Variants in TWF1 observed in about 807,000 individuals in gnomAD.
The protein encoded by TWF1 is twinfilin actin binding protein 1.
TWF1 carries 14 observed loss-of-function variants against 47.9 expected under a neutral mutation model. The ratio of observed to expected loss-of-function variants is 0.29; its 90% confidence interval spans 0.19 to 0.46. The LOEUF (loss-of-function observed/expected upper bound fraction) is 0.46, where lower values mean the gene tolerates loss of function less well. Ranked by LOEUF, TWF1 falls within the 20% of genes least tolerant of loss-of-function variation. The pLI is 1.00. For missense variants in TWF1, 281 were observed against 409.3 expected (o/e 0.69, Z 2.70); for synonymous variants, 96 against 139.2 (o/e 0.69, Z 2.18).
intron 1 of TWF1, chr12:43,805,934 A>G (rs769743251): frequency 6.6e-7 from 1 of 1,524,936 alleles, no homozygotes; most frequent in Non-Finnish European, 8.8e-7. Context: ...GGACGGTGGA[A>G]GGCACGCCCC....
intron 8 of TWF1, 148 bp downstream of exon 8, chr12:43,796,828 C>G (rs1304801083): frequency 2.6e-6 from 2 of 783,390 alleles, no homozygotes; most frequent in Non-Finnish European, 4.0e-6. Flanking sequence ...ACAGGTAGTT[C>G]CCAGGCACTT....
chr12:43,800,618 A>C, intron 3 of TWF1, 88 bp from the exon 4 acceptor site: 1 of 1,036,546 alleles, frequency 9.6e-7, no homozygotes, highest in Non-Finnish European at 1.4e-6. Flanking sequence ...AATATCCTGA[A>C]TCACATTAAA....
chr12:43,804,457 A>G (rs1942719854), intron 2 of TWF1, 38 bp downstream of exon 2: 1 of 1,322,700 alleles, frequency 7.6e-7, no homozygotes, highest in Non-Finnish European at 1.1e-6. Context: ...ACAGCCACTA[A>G]TCCAGGAACA....
chr12:43,800,229 T>C (rs537248736), intron 4 of TWF1, among the ~76,000 whole-genome samples: 60 of 152,330 alleles, frequency 3.9e-4, no homozygotes, highest in African/African-American at 1.3e-3. Context: ...TCAATATCAC[T>C]TGTCAATGTC....
intron 4 of TWF1, 143 bp from the exon 5 acceptor site, chr12:43,799,645 T>G: frequency 1.9e-6 from 1 of 514,594 alleles, no homozygotes; most frequent in South Asian, 3.9e-5. Flanking sequence ...CTTTTTACTT[T>G]TCTTTAATCC....
intron 2 of TWF1, 30 bp from the exon 3 acceptor site, chr12:43,802,494 T>C (rs528053407): frequency 1.9e-6 from 3 of 1,545,900 alleles, no homozygotes; most frequent in African/African-American, 2.7e-5. Context: ...GAAAGATAGG[T>C]AAATGGTTTG....
At chr12:43,799,664 A>G (rs1942623208) in intron 4 of TWF1, among the ~76,000 whole-genome samples, 162 bp from the exon 5 acceptor site, 1 of 152,070 alleles carries the variant, frequency 6.6e-6, no homozygotes, top group African/African-American at 2.4e-5. Context: ...CCTCAATTTT[A>G]AGTTTCAAAA....
Position 43,795,734 on chromosome 12 carries a change from C to A in TWF1, c.904G>T (p.Glu302Ter). ...IRKIEIDNGD[E>*]LTADFLYEEV... ...TCATAAAGGAAGTCTGCAGTCAACT[C>A]ATCCCCATTGTCTATCTCGATCTGT... is the stretch of plus-strand genomic sequence containing the variant. Residue 302 changes from glutamate to a stop codon, truncating the protein, a stop_gained, in exon 9 of 9, where the codon GAG becomes TAG. Transcript: ENST00000395510. LOFTEE classifies it high-confidence loss of function. 1 of 1,613,844 alleles carries A rather than the reference C, an allele frequency of 6.2e-7. No homozygotes were observed. The highest frequency in any genetic ancestry group is 8.5e-7 in the Non-Finnish European group (1 of 1,179,822).
chr12:43,805,189 C>T (rs1942735018), intron 1 of TWF1, among the ~76,000 whole-genome samples: 1 of 152,070 alleles, frequency 6.6e-6, no homozygotes, highest in African/African-American at 2.4e-5. Context: ...AATTTCGTTC[C>T]TGTGTTGTCT....
chr12:43,796,042 A>G (rs777655735), intron 8 of TWF1, among the ~76,000 whole-genome samples: 4 of 152,196 alleles, frequency 2.6e-5, no homozygotes, highest in Non-Finnish European at 2.9e-5. Context: ...ATGATACACT[A>G]TTTATTCAAG....
chr12:43,805,654 AAC>A (rs1233014134), intron 1 of TWF1: 31 of 632,810 alleles, frequency 4.9e-5, no homozygotes, highest in Non-Finnish European at 8.0e-5. Context: ...AAAAGATCAA[AAC>A]ACACGCTTAC....
chr12:43,796,130 G>A (rs531998552), intron 8 of TWF1, among the ~76,000 whole-genome samples: 2 of 152,262 alleles, frequency 1.3e-5, no homozygotes, highest in African/African-American at 2.4e-5. Flanking sequence ...ACCATGGCCC[G>A]AAGGCCAAAT....
intron 6 of TWF1, 96 bp downstream of exon 6, chr12:43,797,612 G>A: frequency 6.8e-7 from 1 of 1,468,022 alleles, no homozygotes; most frequent in Non-Finnish European, 9.1e-7. Context: ...AAATCAGAAA[G>A]CTATTTAAAA....
chr12:43,805,957 C>G (rs552693543), intron 1 of TWF1: 10 of 1,542,138 alleles, frequency 6.5e-6, no homozygotes, highest in Non-Finnish European at 8.7e-6. Context: ...TCAACCAGGC[C>G]GCCTCGAAAG....
chr12:43,806,170 C>G, intron 1 of TWF1, 51 bp downstream of exon 1: 1 of 1,537,056 alleles, frequency 6.5e-7, no homozygotes, highest in Non-Finnish European at 8.7e-7. Context: ...TCCCGGCTCT[C>G]CCGGCTCTCC....
intron 2 of TWF1, 152 bp downstream of exon 2, chr12:43,804,343 C>A (rs1404377532): frequency 3.3e-6 from 2 of 614,272 alleles, no homozygotes; most frequent in Non-Finnish European, 5.9e-6. Context: ...CCCATAGGGA[C>A]CTGCACAAAA....
In TWF1 at chr12:43,793,887, A is replaced by G. The variant is rs1300510957; in HGVS notation, c.*1698T>C. 2.6e-5 allele frequency: 4 copies of G among 152,810 alleles called. No individual in the cohort carries two copies. The East Asian group carries it at 7.7e-4, about 29-fold the overall frequency. The allele number at this position is 152,810 out of a possible 1,614,324, so 9.5% of individuals were successfully genotyped here. A position where few individuals can be genotyped will look rare whatever the true frequency, so the allele number is the denominator to read the frequency against. On this transcript the variant is annotated 3_prime_UTR_variant, in exon 9 of 9. Transcript: ENST00000395510. ...TACTGTAAACGATGAGTTATACTCT[A>G]TAACAAATGCATCACTGATTTTCAG...
At chr12:43,805,556 A>T (rs1199609654) in intron 1 of TWF1, 1 of 459,412 alleles carries the variant, frequency 2.2e-6, no homozygotes, top group Admixed American at 2.3e-5. Flanking sequence ...CCAGGAAATA[A>T]TGGAGGTCAG....
Position 43,795,099 on chromosome 12 carries a change from A to C in TWF1, c.*486T>G, listed in dbSNP as rs991979455. ...CTAAAAGTTGCAGACATGATCCTAC[A>C]GTCTGACAGAGCTAGCACAGCTACT... On this transcript the variant is annotated 3_prime_UTR_variant, in exon 9 of 9. Coordinates refer to ENST00000395510, the MANE Select transcript of TWF1 (RefSeq NM_002822.5). The C allele has an allele frequency of 6.6e-6, 1 of 152,554 alleles. No individual in the cohort carries two copies. The highest frequency in any genetic ancestry group is 2.4e-5 in the African/African-American group (1 of 41,478). 9.5% of individuals were successfully genotyped at this position (152,554 alleles called of 1,614,324 possible).
Sources: gnomAD v4.1 joint callset for allele counts (sites outside exome capture counted in the v4.1 genomes callset) on GRCh38, gnomAD v4.1.1 for gene constraint, MANE v1.5 for transcripts, NCBI Gene and HGNC (gene_info 2026-07-23, HGNC 2026-07-21) for gene names.